The following TRAF3IP1 variants were observed in gnomAD, a reference collection of about 807,000 sequenced individuals.
TRAF3IP1 encodes TRAF3-interacting protein 1.
Under a neutral mutation model 89.9 loss-of-function variants are expected in TRAF3IP1, and 53 were observed. The observed-to-expected ratio is 0.59, with a 90% confidence interval of 0.47 to 0.74. The LOEUF is 0.74. Among genes scored for constraint, TRAF3IP1 ranks in the 30% least tolerant of loss-of-function variants. The pLI is 0.00. For synonymous variants in TRAF3IP1, 311 were observed against 322.1 expected (o/e 0.97, Z 0.37); for missense variants, 806 against 866.1 (o/e 0.93, Z 0.87).
chr2:238,325,867 C>T lies in TRAF3IP1; in HGVS notation c.251C>T (p.Ser84Leu), dbSNP rs147512316. The T allele has an allele frequency of 2.4e-5, 38 of 1,614,152 alleles. No individual in the cohort carries two copies. Among genetic ancestry groups the T allele is most frequent in the African/African-American group, 1.1e-4 (8 of 75,026 alleles). Residue 84 changes from serine to leucine, a missense_variant, in exon 3 of 17, where the codon TCG becomes TTG. This residue lies in a region of TRAF3IP1 where 732 missense variants were observed against 780.5 expected (regional missense o/e 0.94). Transcript: ENST00000373327. ...QKAIDVVVMVSGEPLLAKPAR... is the reference protein window; with the variant it reads ...QKAIDVVVMVLGEPLLAKPAR... ...GCCATAGACGTGGTTGTAATGGTGT[C>T]GGGAGAGCCACTGTTGGCCAAACCA...
chr2:238,354,826 A>G (rs1223812649), intron 14 of TRAF3IP1, among the ~76,000 whole-genome samples: 1 of 151,536 alleles, frequency 6.6e-6, no homozygotes, highest in Non-Finnish European at 1.5e-5. Context: ...ATTTTTTTGT[A>G]TTTTTAGTAG....
chr2:238,372,707 A>G (rs1353981391), intron 15 of TRAF3IP1, among the ~76,000 whole-genome samples: 2 of 152,224 alleles, frequency 1.3e-5, no homozygotes, highest in African/African-American at 4.8e-5. Context: ...GAATAACCAC[A>G]CTGTCTTCCA....
intron 15 of TRAF3IP1, among the ~76,000 whole-genome samples, chr2:238,380,748 C>T (rs924550912): frequency 7.9e-5 from 12 of 152,132 alleles, no homozygotes; most frequent in Non-Finnish European, 1.6e-4. Flanking sequence ...ACCTTTTTGT[C>T]TTTGAACTCC....
intron 15 of TRAF3IP1, among the ~76,000 whole-genome samples, chr2:238,377,230 C>CTTTTTTTTTTTT (rs71402784): frequency 1.2e-4 from 10 of 86,706 alleles, no homozygotes; most frequent in African/African-American, 4.2e-4. Flanking sequence ...TCCTGATTTT[C>CTTTTTTTTTTTT]TTTTTTTTTT....
At chr2:238,378,386 C>T (rs1332486261) in intron 15 of TRAF3IP1, among the ~76,000 whole-genome samples, 10 of 152,226 alleles carry the variant, frequency 6.6e-5, no homozygotes, top group Admixed American at 2.6e-4. Flanking sequence ...GCACTGTTCT[C>T]GGCATTCAGT....
chr2:238,355,477 T>C (rs1699366431), intron 14 of TRAF3IP1, among the ~76,000 whole-genome samples: 3 of 152,266 alleles, frequency 2.0e-5, no homozygotes, highest in African/African-American at 7.2e-5. Flanking sequence ...CCTCATTTCC[T>C]TCATAGCCAC....
chr2:238,378,011 GTTTTTGTTTGTTTGTTTGT>G (rs1328760162), intron 15 of TRAF3IP1, among the ~76,000 whole-genome samples: 1 of 151,868 alleles, frequency 6.6e-6, no homozygotes, highest in African/African-American at 2.4e-5. Context: ...GTTTAGTTTA[GTTTTTGTTTGTTTGTTTGT>G]TTTTTGTTTG....
intron 7 of TRAF3IP1, among the ~76,000 whole-genome samples, chr2:238,336,084 G>T (rs181961812): frequency 2.0e-5 from 3 of 152,218 alleles, no homozygotes; most frequent in African/African-American, 7.2e-5. Flanking sequence ...AAGCCACTGT[G>T]CCTGGCCTGT....
chr2:238,387,938 T>C (rs1024061460), intron 15 of TRAF3IP1, among the ~76,000 whole-genome samples: 3 of 151,980 alleles, frequency 2.0e-5, no homozygotes, highest in Admixed American at 6.6e-5. Context: ...TTAAAAAAAT[T>C]AGCCAGGCAT....
intron 8 of TRAF3IP1, among the ~76,000 whole-genome samples, chr2:238,341,243 A>T (rs1698638837): frequency 6.7e-6 from 1 of 150,292 alleles, no homozygotes; most frequent in Admixed American, 6.6e-5. Flanking sequence ...GGCTGGTTTG[A>T]ACTCCTGGGC....
chr2:238,383,873 C>T (rs567248007), intron 15 of TRAF3IP1, among the ~76,000 whole-genome samples: 13 of 152,206 alleles, frequency 8.5e-5, no homozygotes, highest in African/African-American at 2.4e-4. Context: ...TAATTTAGTC[C>T]GTTTACACTT....
intron 7 of TRAF3IP1, among the ~76,000 whole-genome samples, chr2:238,337,936 A>G (rs1698461793): frequency 6.6e-6 from 1 of 152,196 alleles, no homozygotes; most frequent in African/African-American, 2.4e-5. Flanking sequence ...GGGAAAAACA[A>G]AAAATGGAGA....
chr2:238,356,668 C>T (rs1699423943), intron 15 of TRAF3IP1, among the ~76,000 whole-genome samples: 1 of 152,164 alleles, frequency 6.6e-6, no homozygotes, highest in Non-Finnish European at 1.5e-5. Context: ...TGGGCTCTGA[C>T]TCCCTGACTC....
At chr2:238,357,564 A>G (rs1383497048) in intron 15 of TRAF3IP1, among the ~76,000 whole-genome samples, 3 of 152,226 alleles carry the variant, frequency 2.0e-5, no homozygotes. Flanking sequence ...CCCTTTTAAC[A>G]ATAATAACTG....
chr2:238,381,024 A>T (rs1700523818), intron 15 of TRAF3IP1, among the ~76,000 whole-genome samples: 1 of 151,248 alleles, frequency 6.6e-6, no homozygotes, highest in African/African-American at 2.4e-5. Flanking sequence ...TTTCCTGAGG[A>T]TACTCTCAAA....
At chr2:238,336,605 T>C (rs1196453072) in intron 7 of TRAF3IP1, among the ~76,000 whole-genome samples, 4 of 152,160 alleles carry the variant, frequency 2.6e-5, no homozygotes, top group Admixed American at 2.0e-4. Flanking sequence ...GAGAATATTA[T>C]AATTTTTGCT....
intron 15 of TRAF3IP1, among the ~76,000 whole-genome samples, chr2:238,359,184 C>G (rs1025108687): frequency 1.3e-5 from 2 of 152,230 alleles, no homozygotes; most frequent in Non-Finnish European, 2.9e-5. Context: ...TCTTTAGTTT[C>G]ACCAGATAGG....
intron 15 of TRAF3IP1, among the ~76,000 whole-genome samples, chr2:238,392,723 T>C (rs1293853273): frequency 6.6e-6 from 1 of 152,176 alleles, no homozygotes; most frequent in Admixed American, 6.6e-5. Context: ...ATTACAGGCA[T>C]GCGCCACCGC....
chr2:238,340,909 G>A (rs1698622030), intron 8 of TRAF3IP1, among the ~76,000 whole-genome samples: 2 of 151,990 alleles, frequency 1.3e-5, no homozygotes, highest in Admixed American at 1.3e-4. Flanking sequence ...TCAGGCTCGG[G>A]TACAGTGGCA....
Sources: gnomAD v4.1 joint callset for allele counts (sites outside exome capture counted in the v4.1 genomes callset) on GRCh38, gnomAD v4.1.1 for gene constraint, gnomAD v4.1.1 regional missense constraint, MANE v1.5 for transcripts, NCBI Gene and HGNC (gene_info 2026-07-23, HGNC 2026-07-21) for gene names.